Variants in CNKSR2 observed in about 807,000 individuals in gnomAD.
The protein encoded by CNKSR2 is connector enhancer of kinase suppressor of Ras 2, also known as CNK homolog protein 2.
A neutral mutation model predicts 84.4 loss-of-function variants in CNKSR2; 14 were observed. The ratio of observed to expected loss-of-function variants is 0.17; its 90% confidence interval spans 0.11 to 0.26. The LOEUF is 0.26. CNKSR2 is among the 10% of genes least tolerant of loss of function. The pLI, the probability that CNKSR2 is intolerant of heterozygous loss-of-function variation, is 1.00. For synonymous variants in CNKSR2, 275 were observed against 277.9 expected (o/e 0.99, Z 0.10); for missense variants, 485 against 771.2 (o/e 0.63, Z 4.40).
At chrX:21,465,899 CATT>C (rs1458206953) in intron 4 of CNKSR2, among the ~76,000 whole-genome samples, 1 of 111,356 alleles carries the variant, frequency 9.0e-6, no homozygotes, top group African/African-American at 3.3e-5. Context: ...GCAATTGCAT[CATT>C]GTTTCACAGA....
At chrX:21,575,406 T>C (rs1309208147) in intron 13 of CNKSR2, among the ~76,000 whole-genome samples, 1 of 111,246 alleles carries the variant, frequency 9.0e-6, no homozygotes, top group Non-Finnish European at 1.9e-5. Flanking sequence ...GTACTTATAA[T>C]GGAACTGGCC....
chrX:21,464,051 C>T (rs1023784858), intron 4 of CNKSR2, among the ~76,000 whole-genome samples: 2 of 111,760 alleles, frequency 1.8e-5, no homozygotes, highest in Admixed American at 1.9e-4. Context: ...GTCCTTGTGG[C>T]CTAGACGGCT....
rs946693203 is a variant in CNKSR2, at chrX:21,469,702, G to C, written c.520-1064G>C. Among the ~76,000 whole-genome samples the C allele has an allele frequency of 2.7e-5, 3 of 110,686 alleles. No individual in the cohort carries two copies. The Admixed American group carries it at 2.9e-4, about 11-fold the overall frequency. On this transcript the variant is annotated intron_variant, in intron 4 of 21. Transcript: ENST00000379510. ...GAGGCGGGCAGATCATCTGAGGTTG[G>C]GAGTTTGAGACCAGCCTGACCAACA...
chrX:21,468,314 G>C (rs985566226), intron 4 of CNKSR2, among the ~76,000 whole-genome samples: 8 of 110,854 alleles, frequency 7.2e-5, no homozygotes, highest in Admixed American at 1.9e-4. Flanking sequence ...TTAGATATAG[G>C]TAGCACATTT....
intron 13 of CNKSR2, among the ~76,000 whole-genome samples, chrX:21,570,527 A>G (rs760717194): frequency 4.5e-5 from 5 of 111,733 alleles, no homozygotes; most frequent in Middle Eastern, 4.7e-3. Context: ...CCTATCAGCA[A>G]TAAGGCTGTT....
intron 20 of CNKSR2, among the ~76,000 whole-genome samples, chrX:21,616,649 T>C (rs1359976198): frequency 8.9e-6 from 1 of 111,755 alleles, no homozygotes; most frequent in Admixed American, 9.5e-5. Context: ...TTCCTCCTGT[T>C]TCACTGCCAT....
intron 13 of CNKSR2, among the ~76,000 whole-genome samples, chrX:21,587,811 C>T (rs1017192881): frequency 5.4e-5 from 6 of 111,631 alleles, no homozygotes; most frequent in African/African-American, 2.0e-4. Context: ...GAATGTGAGG[C>T]TCTTTTGGAT....
chrX:21,543,023 T>C (rs778344965), intron 11 of CNKSR2, among the ~76,000 whole-genome samples: 6 of 112,597 alleles, frequency 5.3e-5, no homozygotes, highest in African/African-American at 1.9e-4. Context: ...CTATGTCCTT[T>C]TTATCCACAT....
intron 9 of CNKSR2, among the ~76,000 whole-genome samples, chrX:21,523,782 C>T (rs1052539239): frequency 1.8e-5 from 2 of 110,642 alleles, no homozygotes; most frequent in African/African-American, 6.5e-5. Context: ...GAATTTCTCA[C>T]TGATAATTTT....
chrX:21,374,825 T>G lies in CNKSR2; in HGVS notation c.-73T>G. The G allele has an allele frequency of 3.1e-6, 3 of 962,854 alleles. No homozygotes were observed. Among genetic ancestry groups the G allele is most frequent in the African/African-American group, 1.9e-5 (1 of 53,135 alleles). The allele number at this position is 962,854 out of a possible 1,213,427, so 79.3% of individuals were successfully genotyped here. ...GCTGCGGCCAGCAAGGGACCCCACC[T>G]GAGAGCAGCTCGGGCTGCTGAGTTC... is the stretch of plus-strand genomic sequence containing the variant. On this transcript the variant is annotated 5_prime_UTR_variant, in exon 1 of 22. Coordinates refer to ENST00000379510, the MANE Select transcript of CNKSR2 (RefSeq NM_014927.5).
chrX:21,391,647 G>A (rs184215332), intron 1 of CNKSR2, among the ~76,000 whole-genome samples: 159 of 112,145 alleles, frequency 1.4e-3, no homozygotes, highest in African/African-American at 5.0e-3. Flanking sequence ...ACGAGGGGCT[G>A]CTATGAAAGT....
intron 4 of CNKSR2, among the ~76,000 whole-genome samples, chrX:21,459,623 TTATAATCTTTACATC>T (rs1201288402): frequency 9.0e-6 from 1 of 110,775 alleles, no homozygotes; most frequent in Admixed American, 9.7e-5. Context: ...TTCTTTGCAT[TTATAATCTTTACATC>T]AGCTGAGTTA....
At chrX:21,528,411 G>C (rs865871284) in intron 10 of CNKSR2, among the ~76,000 whole-genome samples, 1 of 111,334 alleles carries the variant, frequency 9.0e-6, no homozygotes, top group Non-Finnish European at 1.9e-5. Flanking sequence ...AACATTAAAA[G>C]ATTATTTTTA....
At chrX:21,547,258 GA>G (rs1279015641) in intron 11 of CNKSR2, among the ~76,000 whole-genome samples, 1 of 107,906 alleles carries the variant, frequency 9.3e-6, no homozygotes, top group African/African-American at 3.4e-5. Context: ...TGGAAAGCAA[GA>G]AAAAAAAAGC....
intron 3 of CNKSR2, among the ~76,000 whole-genome samples, chrX:21,435,314 T>C (rs2090688401): frequency 1.8e-5 from 2 of 111,314 alleles, no homozygotes; most frequent in East Asian, 5.6e-4. Context: ...ATTATTCTAT[T>C]TTAAAGGGAT....
chrX:21,552,069 G>A (rs1333594639), intron 11 of CNKSR2, among the ~76,000 whole-genome samples: 1 of 106,385 alleles, frequency 9.4e-6, no homozygotes, highest in Non-Finnish European at 1.9e-5. Flanking sequence ...TTTATCCCTA[G>A]TCGAAATCCG....
chrX:21,602,890 G>A (rs1661273672), intron 18 of CNKSR2, among the ~76,000 whole-genome samples: 1 of 112,030 alleles, frequency 8.9e-6, no homozygotes, highest in Admixed American at 9.5e-5. Flanking sequence ...TGTACTGATA[G>A]GAAAATGAAT....
intron 20 of CNKSR2, among the ~76,000 whole-genome samples, chrX:21,623,130 C>G (rs758861419): frequency 4.5e-5 from 5 of 111,295 alleles, no homozygotes; most frequent in Admixed American, 1.9e-4. Flanking sequence ...CAAGTCCTAA[C>G]CCTGATCAGC....
rs771452072 is a variant in CNKSR2 at position 21,523,429 on chromosome X, C to T, written c.958-3438C>T. Among the ~76,000 whole-genome samples, 10 of 111,012 alleles carry T rather than the reference C, an allele frequency of 9.0e-5. No individual in the cohort carries two copies. In the East Asian group the frequency reaches 2.8e-3, roughly 31 times the overall value. ...CTTCCCATTCATGTTTTGTCAATAC[C>T]GGAGAAGGTCAAAATGATAAAAGAA... On this transcript the variant is annotated intron_variant, in intron 9 of 21. Coordinates refer to ENST00000379510, the MANE Select transcript of CNKSR2 (RefSeq NM_014927.5).
Sources: allele counts gnomAD v4.1 joint callset (sites outside exome capture counted in the v4.1 genomes callset), GRCh38; gene constraint gnomAD v4.1.1; transcripts MANE v1.5; gene names NCBI Gene and HGNC (gene_info 2026-07-23, HGNC 2026-07-21).